Variants in UBAP2 observed in about 807,000 individuals in gnomAD.
UBAP2 encodes the protein ubiquitin associated protein 2, also known as ubiquitin-associated protein 2.
UBAP2 carries 75 observed loss-of-function variants against 139.6 expected under a neutral mutation model. That is an observed-to-expected ratio of 0.54 (90% CI 0.45 to 0.65). UBAP2 has a LOEUF of 0.65. Ranked by LOEUF, UBAP2 falls within the 30% of genes least tolerant of loss-of-function variation. The pLI, the probability that UBAP2 is intolerant of heterozygous loss-of-function variation, is 0.00. For synonymous variants in UBAP2, 526 were observed against 526.2 expected (o/e 1.00, Z 0.01); for missense variants, 1,368 against 1,369.6 (o/e 1.00, Z 0.02).
At chr9:33,980,256 G>A (rs546231044) in intron 6 of UBAP2, among the ~76,000 whole-genome samples, 46 of 63,146 alleles carry the variant, frequency 7.3e-4, no homozygotes, top group African/African-American at 1.9e-3. Context: ...TTTTTGAGAC[G>A]GAGTCTTGCT....
In UBAP2 at chr9:33,953,459, G is replaced by C; in HGVS notation, c.882C>G (p.Ala294=). The C allele has an allele frequency of 1.2e-6, 2 of 1,613,986 alleles. No homozygotes were observed. The highest frequency in any genetic ancestry group is 1.7e-6 in the Non-Finnish European group (2 of 1,179,964). ...TGTGAGGAACAGGCTTCTGGAGCAA[G>C]GCTACCAGATCAATGCTAAGCAGAC... ...ILPGQSIDLV[A]LLQKPVPHSQ... The change falls in exon 12 of 29, where the codon GCC becomes GCG. Residue 294 remains alanine (A), a synonymous_variant. Transcript: ENST00000379238.
intron 1 of UBAP2, among the ~76,000 whole-genome samples, chr9:34,043,299 G>A (rs753481732): frequency 1.7e-4 from 26 of 152,132 alleles, no homozygotes; most frequent in African/African-American, 6.3e-4. Context: ...AGCCTCCTGA[G>A]TAGCTGGGAC....
intron 8 of UBAP2, chr9:33,968,435 G>A (rs976516801): frequency 8.9e-6 from 5 of 560,340 alleles, no homozygotes; most frequent in East Asian, 4.7e-5. Flanking sequence ...AGTCATGGCC[G>A]AGGGCATGTG....
At chr9:33,998,399 A>G (rs567795310) in intron 3 of UBAP2, 1 of 166,374 alleles carries the variant, frequency 6.0e-6, no homozygotes, top group East Asian at 1.8e-4. Flanking sequence ...CCACGTCTCT[A>G]TGAAAAAAAA....
At chr9:34,028,623 G>T (rs1400086907) in intron 1 of UBAP2, among the ~76,000 whole-genome samples, 1 of 151,746 alleles carries the variant, frequency 6.6e-6, no homozygotes, top group African/African-American at 2.4e-5. Context: ...TAAGTGATCC[G>T]CCTACCTCAG....
chr9:33,957,825 G>T (rs1385815245), intron 10 of UBAP2, among the ~76,000 whole-genome samples: 1 of 152,158 alleles, frequency 6.6e-6, no homozygotes, highest in Non-Finnish European at 1.5e-5. Context: ...GTGTAAGCAG[G>T]AGGTAGAGGA....
At chr9:33,963,845 T>A in intron 8 of UBAP2, 54 bp from the exon 9 acceptor site, 82 of 991,612 alleles carry the variant, frequency 8.3e-5, no homozygotes, top group Non-Finnish European at 1.3e-4. Flanking sequence ...ATGAAAGTAT[T>A]CATCACAGAG....
intron 2 of UBAP2, among the ~76,000 whole-genome samples, chr9:34,014,092 G>C (rs902479453): frequency 1.3e-5 from 2 of 151,366 alleles, no homozygotes; most frequent in African/African-American, 4.9e-5. Context: ...GGAGATCAAG[G>C]GGGGGACAGA....
In UBAP2 at chr9:33,925,320, C is replaced by T. The variant is rs112710850; in HGVS notation, c.2512-1036G>A. Among the ~76,000 whole-genome samples, 840 of 152,258 alleles carry T rather than the reference C, an allele frequency of 5.5e-3. 10 individuals are homozygous for T. The highest frequency in any genetic ancestry group is 0.019 in the African/African-American group (780 of 41,532). ...ACACACAGAGCTGCACAACTGAGGA[C>T]GGGAGCAGAGAAAGCCCAGAAGGGG... is the stretch of plus-strand genomic sequence containing the variant. On this transcript the variant is annotated intron_variant, in intron 22 of 28. Coordinates refer to ENST00000379238, the MANE Select transcript of UBAP2 (RefSeq NM_001370062.2).
chr9:33,986,411 A>G (rs548574566), intron 6 of UBAP2, among the ~76,000 whole-genome samples: 1 of 152,334 alleles, frequency 6.6e-6, no homozygotes, highest in East Asian at 1.9e-4. Context: ...TCAAATGATC[A>G]TAGCCTTTTT....
chr9:34,002,829 C>G (rs957568793), intron 2 of UBAP2, among the ~76,000 whole-genome samples: 1 of 151,714 alleles, frequency 6.6e-6, no homozygotes, highest in Admixed American at 6.6e-5. Flanking sequence ...GCTGGGAATA[C>G]AGGCGCACAA....
At chr9:34,039,658 G>A (rs927266961) in intron 1 of UBAP2, among the ~76,000 whole-genome samples, 4 of 151,884 alleles carry the variant, frequency 2.6e-5, no homozygotes, top group African/African-American at 9.7e-5. Context: ...AGGCAGTTAA[G>A]AGTCATCACC....
intron 8 of UBAP2, among the ~76,000 whole-genome samples, chr9:33,966,664 C>G (rs1431290817): frequency 6.6e-6 from 1 of 151,986 alleles, no homozygotes; most frequent in African/African-American, 2.4e-5. Context: ...ACATACAAAT[C>G]TTGCATATAC....
At chr9:33,936,006 T>C in intron 16 of UBAP2, 128 bp from the exon 17 acceptor site, 1 of 1,041,346 alleles carries the variant, frequency 9.6e-7, no homozygotes, top group Middle Eastern at 3.0e-4. Context: ...TATTTTTTAA[T>C]AAAGGGAAGA....
intron 12 of UBAP2, among the ~76,000 whole-genome samples, chr9:33,951,069 C>G (rs1245858494): frequency 2.6e-5 from 4 of 152,194 alleles, no homozygotes; most frequent in Non-Finnish European, 5.9e-5. Flanking sequence ...TTGCTGTCAA[C>G]CCAGGCTGGA....
chr9:33,926,848 C>G, intron 21 of UBAP2, 141 bp downstream of exon 21: 1 of 977,586 alleles, frequency 1.0e-6, no homozygotes, highest in East Asian at 2.5e-5. Context: ...CACCAGGGCT[C>G]AGTGGGGCAG....
At chr9:33,926,204 C>G (rs904076026) in intron 22 of UBAP2, among the ~76,000 whole-genome samples, 1 of 152,116 alleles carries the variant, frequency 6.6e-6, no homozygotes, top group Non-Finnish European at 1.5e-5. Flanking sequence ...CCATCTCAGA[C>G]CAAAGACACT....
In UBAP2 at chr9:34,039,272, T is replaced by TG. The variant is rs1041990633; in HGVS notation, c.-42+9552dup. On this transcript the variant is annotated intron_variant, in intron 1 of 28. Transcript: ENST00000379238. ...CCTGGCCGCCGCCCCGTCCGAGAGG[T>TG]GGGGGGGGCGCCTCTGCCCGGCCAC... 6.6e-3 allele frequency among the ~76,000 whole-genome samples: 887 copies of TG among 133,650 alleles called. 4 individuals carry two copies. Among genetic ancestry groups the TG allele is most frequent in the Non-Finnish European group, 9.7e-3 (602 of 62,200 alleles). 87.7% of individuals were successfully genotyped at this position (133,650 alleles called of 152,430 possible). A position where few individuals can be genotyped will look rare whatever the true frequency, so the allele number is the denominator to read the frequency against.
rs571792388 is a variant in UBAP2, at chr9:33,966,948, TAATA to T, written c.680-3161_680-3158del. On this transcript the variant is annotated intron_variant, in intron 8 of 28. Coordinates refer to ENST00000379238, the MANE Select transcript of UBAP2 (RefSeq NM_001370062.2). ...TTACATGAGACGGACCACCGTGAAT[TAATA>T]AATTCAAAGACTGAGTCAGTAAAAA... is the stretch of plus-strand genomic sequence containing the variant. Among the ~76,000 whole-genome samples, 22 of 152,302 alleles carry T rather than the reference TAATA, an allele frequency of 1.4e-4. No homozygotes were observed. In the East Asian group the frequency reaches 4.0e-3, roughly 28 times the overall value.
Sources: allele counts gnomAD v4.1 joint callset (sites outside exome capture counted in the v4.1 genomes callset), GRCh38; gene constraint gnomAD v4.1.1; transcripts MANE v1.5; gene names NCBI Gene and HGNC (gene_info 2026-07-23, HGNC 2026-07-21).